The following TECRL variants were observed in gnomAD, a reference collection of about 807,000 sequenced individuals.
The protein encoded by TECRL is trans-2,3-enoyl-CoA reductase-like.
TECRL carries 63 observed loss-of-function variants against 52.8 expected under a neutral mutation model. The ratio of observed to expected loss-of-function variants is 1.19; its 90% CI spans 0.97 to 1.47. The LOEUF (loss-of-function observed/expected upper bound fraction) is 1.47, where lower values mean the gene tolerates loss of function less well. TECRL is among the 40% of genes most tolerant of loss of function. TECRL has a pLI of 0.00. For missense variants in TECRL, 482 were observed against 429.6 expected (o/e 1.12, Z -1.08); for synonymous variants, 164 against 141.9 (o/e 1.16, Z -1.10).
chr4:64,374,284 A>T (rs1196725638), intron 2 of TECRL, among the ~76,000 whole-genome samples: 5 of 151,072 alleles, frequency 3.3e-5, no homozygotes, highest in Admixed American at 1.3e-4. Context: ...AATAGATTGT[A>T]CTCAAATGTT....
intron 2 of TECRL, among the ~76,000 whole-genome samples, chr4:64,343,712 T>C (rs943863284): frequency 1.5e-4 from 23 of 152,108 alleles, no homozygotes; most frequent in African/African-American, 4.6e-4. Context: ...GAAAATACTT[T>C]CTTGCTACAA....
chr4:64,338,940 C>A (rs566366780), intron 2 of TECRL, among the ~76,000 whole-genome samples: 2 of 152,126 alleles, frequency 1.3e-5, no homozygotes, highest in Admixed American at 6.5e-5. Flanking sequence ...TGGGTATATA[C>A]CCAAAGGAAT....
intron 2 of TECRL, among the ~76,000 whole-genome samples, chr4:64,353,347 A>G (rs1471029199): frequency 2.0e-5 from 3 of 152,220 alleles, no homozygotes; most frequent in Non-Finnish European, 4.4e-5. Flanking sequence ...TGGATAAAAT[A>G]AGAGAACAGA....
intron 1 of TECRL, among the ~76,000 whole-genome samples, chr4:64,386,375 G>A (rs1023847737): frequency 2.0e-5 from 3 of 152,072 alleles, no homozygotes; most frequent in African/African-American, 7.2e-5. Flanking sequence ...TCATCTTCAT[G>A]CTAAGTAGGC....
intron 5 of TECRL, among the ~76,000 whole-genome samples, chr4:64,311,238 C>T (rs571919194): frequency 2.6e-5 from 4 of 152,160 alleles, no homozygotes; most frequent in South Asian, 2.1e-4. Flanking sequence ...TTCATTAATT[C>T]GTAAAAACAA....
rs188351628 is a variant in TECRL at position 64,328,953 on chromosome 4, T to C, written c.287-397A>G. Among the ~76,000 whole-genome samples, 7 of 152,090 alleles carry C rather than the reference T, an allele frequency of 4.6e-5. No individual in the cohort carries two copies. The East Asian group carries it at 1.4e-3, about 29-fold the overall frequency. On this transcript the variant is annotated intron_variant, in intron 2 of 11. Transcript: ENST00000381210. ...AATCTCATTTCAAATTCATCTAATA[T>C]TTGCACCTGAAATTGGGTTATTTTC...
chr4:64,359,286 T>A (rs965940405), intron 2 of TECRL, among the ~76,000 whole-genome samples: 2 of 151,928 alleles, frequency 1.3e-5, no homozygotes, highest in South Asian at 2.1e-4. Flanking sequence ...GTATATTTTT[T>A]AAAATTCTTA....
At chr4:64,360,679 G>C (rs1490754962) in intron 2 of TECRL, among the ~76,000 whole-genome samples, 1 of 151,922 alleles carries the variant, frequency 6.6e-6, no homozygotes, top group East Asian at 1.9e-4. Context: ...GGGTTAAAAG[G>C]GGAAGGAACT....
Position 64,280,097 on chromosome 4 carries a change from G to A in TECRL, c.1067C>T (p.Ser356Leu). The change falls in exon 12 of 12, where the codon TCA becomes TTA. Residue 356 changes from serine to leucine, a missense_variant. Transcript: ENST00000381210. The stretch of plus-strand genomic sequence containing the variant: ...TTACAATATGAATGGAATCATTGCT[G>A]ATTTTCTATGAATATATGAATTGAA... ...RKFNSYIHRK[S>L]AMIPFIL is the part of the protein sequence containing the mutation. 1 of 1,594,132 alleles carries A rather than the reference G, an allele frequency of 6.3e-7. No homozygotes were observed.
At chr4:64,398,460 G>A (rs144885946) in intron 1 of TECRL, among the ~76,000 whole-genome samples, 419 of 152,184 alleles carry the variant, frequency 2.8e-3, no homozygotes, top group African/African-American at 9.4e-3. Flanking sequence ...GTTTAAAGGT[G>A]TGTCACATCT....
At chr4:64,288,446 G>A (rs1376893095) in intron 9 of TECRL, among the ~76,000 whole-genome samples, 2 of 152,032 alleles carry the variant, frequency 1.3e-5, no homozygotes, top group Admixed American at 6.6e-5. Context: ...AAATTGGAGA[G>A]GTGAAAAAGC....
chr4:64,280,693 A>C (rs1483710), intron 11 of TECRL, among the ~76,000 whole-genome samples: 147,289 of 152,212 alleles, frequency 0.97, 71,283 homozygotes, highest in East Asian at 1. Flanking sequence ...CTCTCATACA[A>C]CCCAACTCTT....
chr4:64,343,585 GACAC>G (rs146974193), intron 2 of TECRL, among the ~76,000 whole-genome samples: 16 of 149,146 alleles, frequency 1.1e-4, no homozygotes, highest in South Asian at 4.2e-4. Context: ...CACACACACA[GACAC>G]ACACACACAC....
intron 8 of TECRL, among the ~76,000 whole-genome samples, chr4:64,298,377 A>T (rs1348059827): frequency 6.6e-6 from 1 of 151,150 alleles, no homozygotes; most frequent in Non-Finnish European, 1.5e-5. Flanking sequence ...GTGAAGACGA[A>T]AAACCAGTAG....
At chr4:64,310,194 ATGCTC>A (rs1342528483) in intron 5 of TECRL, among the ~76,000 whole-genome samples, 4 of 152,192 alleles carry the variant, frequency 2.6e-5, no homozygotes, top group African/African-American at 9.6e-5. Context: ...ATAAACTGTT[ATGCTC>A]ACACCTGTCC....
chr4:64,338,081 G>T (rs549261983), intron 2 of TECRL, among the ~76,000 whole-genome samples: 1 of 152,134 alleles, frequency 6.6e-6, no homozygotes, highest in Admixed American at 6.5e-5. Flanking sequence ...TACCAAAAGA[G>T]AGATATAGAC....
chr4:64,310,945 C>G (rs1269962891), intron 5 of TECRL, among the ~76,000 whole-genome samples: 1 of 152,110 alleles, frequency 6.6e-6, no homozygotes, highest in African/African-American at 2.4e-5. Context: ...GTCTCAAACT[C>G]CTGGGCTCAC....
intron 5 of TECRL, among the ~76,000 whole-genome samples, chr4:64,314,358 C>T (rs974653504): frequency 1.3e-5 from 2 of 151,888 alleles, no homozygotes; most frequent in African/African-American, 4.8e-5. Context: ...CTTTTGACTA[C>T]GTTTCTGAAT....
At chr4:64,376,938 A>T (rs1722438990) in intron 1 of TECRL, among the ~76,000 whole-genome samples, 1 of 152,028 alleles carries the variant, frequency 6.6e-6, no homozygotes, top group Non-Finnish European at 1.5e-5. Context: ...GAGTGCAAAC[A>T]CGTAAAACCA....
Sources: gnomAD v4.1 joint callset for allele counts (sites outside exome capture counted in the v4.1 genomes callset) on GRCh38, gnomAD v4.1.1 for gene constraint, MANE v1.5 for transcripts, NCBI Gene and HGNC (gene_info 2026-07-23, HGNC 2026-07-21) for gene names.